GCLC: variants seen among roughly 807,000 people sequenced by gnomAD.
The protein encoded by GCLC is glutamate-cysteine ligase catalytic subunit.
GCLC carries 30 observed loss-of-function variants against 81.5 expected under a neutral mutation model. The observed-to-expected ratio is 0.37, with a 90% CI of 0.28 to 0.50. The LOEUF (loss-of-function observed/expected upper bound fraction) is 0.50, where lower values mean the gene tolerates loss of function less well. Ranked by LOEUF, GCLC falls within the 20% of genes least tolerant of loss-of-function variation. GCLC has a pLI of 0.96. For missense variants in GCLC, 556 were observed against 777.4 expected, an observed-to-expected ratio of 0.72 and a Z score of 3.39; for synonymous variants, 262 against 273.3, an observed-to-expected ratio of 0.96 and a Z score of 0.41.
At chr6:53,524,710 A>G (rs1363694251) in intron 1 of GCLC, among the ~76,000 whole-genome samples, 1 of 152,248 alleles carries the variant, frequency 6.6e-6, no homozygotes, top group Admixed American at 6.5e-5. Context: ...TGCTTCCTAA[A>G]GAAAGTCTAA....
intron 1 of GCLC, among the ~76,000 whole-genome samples, chr6:53,534,578 G>A (rs1265395000): frequency 6.6e-6 from 1 of 152,106 alleles, no homozygotes; most frequent in Admixed American, 6.5e-5. Context: ...AGAAACGGGG[G>A]AAAATCAGTG....
At chr6:53,529,433 T>A (rs1266351690) in intron 1 of GCLC, among the ~76,000 whole-genome samples, 3 of 152,184 alleles carry the variant, frequency 2.0e-5, no homozygotes, top group African/African-American at 7.2e-5. Flanking sequence ...GAACCAAATC[T>A]AGCAAAACCT....
At chr6:53,522,182 C>T (rs1763011158) in intron 2 of GCLC, among the ~76,000 whole-genome samples, 1 of 152,152 alleles carries the variant, frequency 6.6e-6, no homozygotes, top group Non-Finnish European at 1.5e-5. Flanking sequence ...GTAGGTATTG[C>T]TATGATCTTT....
intron 1 of GCLC, among the ~76,000 whole-genome samples, chr6:53,527,413 T>C (rs1763101445): frequency 6.6e-6 from 1 of 152,214 alleles, no homozygotes; most frequent in Admixed American, 6.5e-5. Context: ...TGCAACCATT[T>C]TGAGGACTAA....
At chr6:53,538,395 A>C (rs1200728579) in intron 1 of GCLC, among the ~76,000 whole-genome samples, 2 of 149,008 alleles carry the variant, frequency 1.3e-5, no homozygotes, top group Non-Finnish European at 3.0e-5. Context: ...GGCGCGATCT[A>C]GGCTCACTGC....
chr6:53,544,590 G>T lies in GCLC; in HGVS notation c.56C>A (p.Ala19Asp). ...PLSWEETKRH[A>D]DHVRRHGILQ... is the part of the protein sequence containing the mutation. ...GATCCCGTGCCGCCGCACGTGGTCGGCATGGCGCTTGGTTTCCTCCCAGCT... is the reference window on the plus strand; with the variant it reads ...GATCCCGTGCCGCCGCACGTGGTCGTCATGGCGCTTGGTTTCCTCCCAGCT... Residue 19 changes from alanine to aspartate, a missense_variant, in exon 1 of 16, where the codon GCC (alanine) becomes GAC (aspartate). Around this residue, in one of 3 missense-constraint regions of GCLC, gnomAD observed 234 missense variants for 303.8 expected, o/e 0.77. Coordinates refer to ENST00000650454, the MANE Select transcript of GCLC (RefSeq NM_001498.4). 4.4e-6 allele frequency: 7 copies of T among 1,605,162 alleles called. No individual in the cohort carries two copies. Among genetic ancestry groups the T allele is most frequent in the Non-Finnish European group, 5.9e-6 (7 of 1,179,564 alleles).
At chr6:53,531,435 T>C (rs1763170738) in intron 1 of GCLC, among the ~76,000 whole-genome samples, 2 of 152,124 alleles carry the variant, frequency 1.3e-5, no homozygotes, top group South Asian at 4.1e-4. Context: ...AAGACCATGG[T>C]CCTTCAGCAA....
At chr6:53,517,080 T>TTTTTC (rs1491329283) in intron 3 of GCLC, among the ~76,000 whole-genome samples, 1,474 of 32,938 alleles carry the variant, frequency 0.045, 62 homozygotes, top group East Asian at 0.35. Flanking sequence ...TAAAAAAAAA[T>TTTTTC]TTTTTTTTTT....
chr6:53,518,309 G>A (rs1019434063), intron 3 of GCLC, among the ~76,000 whole-genome samples: 1 of 152,026 alleles, frequency 6.6e-6, no homozygotes, highest in Non-Finnish European at 1.5e-5. Flanking sequence ...GGAGCAGAGC[G>A]GCACAATCTC....
chr6:53,517,277 T>TTC (rs386407095), intron 3 of GCLC, among the ~76,000 whole-genome samples: 11 of 119,536 alleles, frequency 9.2e-5, no homozygotes, highest in Admixed American at 1.9e-4. Flanking sequence ...TTTTTTTTTT[T>TTC]CCAGGGACGA....
Position 53,508,696 on chromosome 6 carries a change from C to A in GCLC, c.844G>T (p.Ala282Ser). ...ACATAGCCTCGGTAAAAGGGAGATG[C>A]AGCACTCAAAGCCATCTAAAAACAA... ...ICPIVMALSA[A>S]SPFYRGYVSD... The change falls in exon 8 of 16, where the codon GCA becomes TCA. Residue 282 changes from alanine to serine, a missense_variant. Coordinates refer to ENST00000650454, the MANE Select transcript of GCLC (RefSeq NM_001498.4). 1 of 1,611,664 alleles carries A rather than the reference C, an allele frequency of 6.2e-7. No individual in the cohort carries two copies. The highest frequency in any genetic ancestry group is 8.5e-7 in the Non-Finnish European group (1 of 1,177,776).
At chr6:53,522,103 A>C (rs1763009585) in intron 2 of GCLC, among the ~76,000 whole-genome samples, 1 of 152,246 alleles carries the variant, frequency 6.6e-6, no homozygotes, top group Non-Finnish European at 1.5e-5. Flanking sequence ...TTAATAAAAA[A>C]CAGGCTTTAT....
intron 6 of GCLC, 186 bp from the exon 7 acceptor site, chr6:53,509,436 T>A (rs1003020957): frequency 1.2e-5 from 8 of 641,696 alleles, no homozygotes; most frequent in African/African-American, 9.0e-5. Context: ...AAATGGTATT[T>A]AATTATGTTC....
At chr6:53,519,946 C>T (rs958109186) in intron 3 of GCLC, among the ~76,000 whole-genome samples, 4 of 152,098 alleles carry the variant, frequency 2.6e-5, no homozygotes, top group Admixed American at 6.5e-5. Context: ...CTGACGGACA[C>T]GTATCAGAGA....
intron 3 of GCLC, among the ~76,000 whole-genome samples, chr6:53,516,597 C>A (rs1326545): frequency 9.8e-5 from 15 of 152,300 alleles, no homozygotes; most frequent in Non-Finnish European, 1.6e-4. Flanking sequence ...CCTACATGGC[C>A]TATGAGGTGT....
chr6:53,509,144 A>G (rs779338700), intron 7 of GCLC, 32 bp downstream of exon 7: 7 of 1,220,090 alleles, frequency 5.7e-6, no homozygotes, highest in Non-Finnish European at 8.5e-6. Flanking sequence ...CATACGAAGT[A>G]GTATTTAAAA....
At chr6:53,537,441 T>C (rs961740009) in intron 1 of GCLC, among the ~76,000 whole-genome samples, 1 of 152,202 alleles carries the variant, frequency 6.6e-6, no homozygotes, top group Non-Finnish European at 1.5e-5. Flanking sequence ...AATTAATTTG[T>C]GCTCTATATC....
intron 1 of GCLC, chr6:53,522,804 CA>C (rs573832349): frequency 3.3e-4 from 88 of 267,246 alleles, no homozygotes; most frequent in South Asian, 4.8e-4. Context: ...AGCTGTACTT[CA>C]AAAAAAAGAT....
chr6:53,500,564 T>C (rs771322479), intron 12 of GCLC, 51 bp from the exon 13 acceptor site: 9 of 1,322,204 alleles, frequency 6.8e-6, no homozygotes, highest in Non-Finnish European at 9.8e-6. Flanking sequence ...TGATCAGACA[T>C]ACAAGTTGCA....
Sources: gnomAD v4.1 joint callset for allele counts (sites outside exome capture counted in the v4.1 genomes callset) on GRCh38, gnomAD v4.1.1 for gene constraint, gnomAD v4.1.1 regional missense constraint, MANE v1.5 for transcripts, NCBI Gene and HGNC (gene_info 2026-07-23, HGNC 2026-07-21) for gene names.